The following KANSL3 variants were observed in gnomAD, a reference collection of about 807,000 sequenced individuals.
KANSL3 encodes the protein NSL complex protein NSL3.
KANSL3 carries 16 observed loss-of-function variants against 89.2 expected under a neutral mutation model. The observed-to-expected ratio is 0.18, with a 90% CI of 0.12 to 0.27. The LOEUF (loss-of-function observed/expected upper bound fraction) is 0.27. Among genes scored for constraint, KANSL3 ranks in the 10% least tolerant of loss-of-function variants. The probability of loss-of-function intolerance (pLI) is 1.00; values close to 1 mark genes in which losing one functional copy is unlikely to be tolerated. For synonymous variants in KANSL3, 385 were observed against 419.7 expected, an observed-to-expected ratio of 0.92 and a Z score of 1.01; for missense variants, 879 against 1,110.6, an observed-to-expected ratio of 0.79 and a Z score of 2.96.
At chr2:96,601,873 G>A in intron 19 of KANSL3, 97 bp from the exon 20 acceptor site, 1 of 1,453,038 alleles carries the variant, frequency 6.9e-7, no homozygotes, top group Non-Finnish European at 9.1e-7. Flanking sequence ...ACATAACACA[G>A]TCCCTTGGCC....
intron 2 of KANSL3, among the ~76,000 whole-genome samples, chr2:96,634,935 C>T (rs2074039268): frequency 6.6e-6 from 1 of 152,314 alleles, no homozygotes; most frequent in South Asian, 2.1e-4. Flanking sequence ...TTACCTTTCC[C>T]TTTAACCCTG....
chr2:96,636,413 C>A (rs1309072065), intron 2 of KANSL3, among the ~76,000 whole-genome samples: 2 of 152,166 alleles, frequency 1.3e-5, no homozygotes, highest in Non-Finnish European at 2.9e-5. Context: ...TTTAGATTAA[C>A]CTATGGATAG....
rs1313752674 is a variant in KANSL3 at position 96,604,287 on chromosome 2, G to T, written c.2112C>A (p.Ser704Arg). 6.2e-7 allele frequency: 1 copy of T among 1,612,536 alleles called. No homozygotes were observed. Among genetic ancestry groups the T allele is most frequent in the Non-Finnish European group, 8.5e-7 (1 of 1,179,462 alleles). ...TGCCAGGAGATGTGGCCACCAGGCG[G>T]CTCTGCAGTGTGTGCAAGGCACTGG... ...TAPSALHTLQ[S>R]RLVATSPGSS... Residue 704 changes from serine (S) to arginine (R), a missense_variant, in exon 17 of 21, where the codon AGC (serine) becomes AGA (arginine). By Grantham distance (110) the Ser-to-Arg change is moderately radical (BLOSUM62 -1). This residue lies in a region of KANSL3 where 317 missense variants were observed against 311.2 expected (regional missense o/e 1.02). Coordinates refer to ENST00000431828, the MANE Select transcript of KANSL3 (RefSeq NM_001115016.3).
intron 3 of KANSL3, among the ~76,000 whole-genome samples, chr2:96,623,322 G>GC (rs1224089615): frequency 6.6e-6 from 1 of 152,156 alleles, no homozygotes; most frequent in Non-Finnish European, 1.5e-5. Context: ...CAGTCAAACT[G>GC]CAAGAATGCT....
Position 96,608,707 on chromosome 2 carries a change from G to C in KANSL3, c.1585-43C>G, listed in dbSNP as rs377484592. 1.4e-4 allele frequency: 218 copies of C among 1,612,156 alleles called. 1 individual carries two copies. Among genetic ancestry groups the C allele is most frequent in the African/African-American group, 2.7e-5 (2 of 74,902 alleles). On this transcript the variant is annotated intron_variant, in intron 13 of 20. Transcript: ENST00000431828. ...GTCAAGAGATGAGACAATGTTACTA[G>C]GATCTGACCATGAGTCAGCATGTCC...
intron 20 of KANSL3, chr2:96,598,108 C>T: frequency 2.0e-6 from 2 of 985,382 alleles, no homozygotes; most frequent in Non-Finnish European, 2.4e-6. Flanking sequence ...GATCACGTGG[C>T]AGGATCTGTG....
intron 14 of KANSL3, chr2:96,606,974 G>C: frequency 3.9e-6 from 5 of 1,288,584 alleles, no homozygotes; most frequent in Non-Finnish European, 5.1e-6. Flanking sequence ...ACTCACCAAA[G>C]AGACAGGAGG....
At position 96,608,580 on chromosome 2, in the gene KANSL3, T is replaced by C. The variant is rs781127815; in HGVS notation, c.1669A>G (p.Ile557Val). Residue 557 changes from isoleucine (I) to valine (V), a missense_variant, in exon 14 of 21, where the codon ATT (isoleucine) becomes GTT (valine). Ile to Val is a conservative substitution (Grantham distance 29). This residue lies in a region of KANSL3 where 317 missense variants were observed against 311.2 expected (regional missense o/e 1.02). Coordinates refer to ENST00000431828, the MANE Select transcript of KANSL3 (RefSeq NM_001115016.3). ...CTCTTCAGCAGCTGAGAACTTCCAA[T>C]CTGACTGGACTTCTGGGCAGAGGTC... ...TVTSAQKSSQ[I>V]GSSQLLKRHV... is the part of the protein sequence containing the mutation. The C allele has an allele frequency of 6.8e-6, 11 of 1,613,914 alleles. No individual in the cohort carries two copies. The Admixed American group carries it at 8.3e-5, about 12-fold the overall frequency.
intron 5 of KANSL3, 76 bp downstream of exon 5, chr2:96,619,283 G>A (rs575365832): frequency 7.1e-5 from 99 of 1,386,798 alleles, no homozygotes; most frequent in Non-Finnish European, 9.6e-5. Context: ...TAATTACTTT[G>A]CCTAACCCCA....
intron 20 of KANSL3, chr2:96,599,641 A>T (rs2066903942): frequency 6.5e-6 from 2 of 306,282 alleles, no homozygotes; most frequent in Non-Finnish European, 9.6e-6. Flanking sequence ...AAGAAAAAAA[A>T]ATATGAGCCA....
chr2:96,607,578 C>G (rs2068193553), intron 14 of KANSL3, among the ~76,000 whole-genome samples: 1 of 152,212 alleles, frequency 6.6e-6, no homozygotes, highest in Admixed American at 6.5e-5. Context: ...CATGGCAGAG[C>G]ATCCGCGCAG....
At chr2:96,600,887 G>T in intron 20 of KANSL3, 5 of 985,408 alleles carry the variant, frequency 5.1e-6, no homozygotes, top group Non-Finnish European at 6.0e-6. Flanking sequence ...CAATGTCAAA[G>T]AAAGAGTATT....
At chr2:96,581,319 G>C in the KANSL3 span, among the ~76,000 whole-genome samples, 1 of 152,040 alleles carries the variant, frequency 6.6e-6, no homozygotes, top group South Asian at 2.1e-4. Context: ...TGCTACTCAG[G>C]AGGCTGAGGC....
chr2:96,621,740 A>G (rs2071323154), intron 3 of KANSL3, among the ~76,000 whole-genome samples: 1 of 152,216 alleles, frequency 6.6e-6, no homozygotes, highest in Non-Finnish European at 1.5e-5. Flanking sequence ...GCTCTAGAAA[A>G]TTAATAAGAA....
the KANSL3 span, among the ~76,000 whole-genome samples, chr2:96,583,777 G>A: frequency 1.1e-4 from 16 of 152,254 alleles, no homozygotes; most frequent in Non-Finnish European, 2.1e-4. Flanking sequence ...TTGTATATAC[G>A]TAGGAGAGGA....
the KANSL3 span, among the ~76,000 whole-genome samples, chr2:96,586,075 AT>A: frequency 6.6e-6 from 1 of 152,050 alleles, no homozygotes; most frequent in Non-Finnish European, 1.5e-5. Flanking sequence ...GAATATAAAA[AT>A]TAGCTGGGCG....
At chr2:96,629,878 G>A (rs1253833494) in intron 3 of KANSL3, among the ~76,000 whole-genome samples, 1 of 152,082 alleles carries the variant, frequency 6.6e-6, no homozygotes, top group Non-Finnish European at 1.5e-5. Flanking sequence ...CCTGATATAA[G>A]AAGTAACATT....
Position 96,604,911 on chromosome 2 carries a change from C to T in KANSL3, c.1934-48G>A. ...GCCCCTGGTCAGTCCTATTTGGCCT[C>T]TATGTTTCCAGGTTCCACAGCTTAG... On this transcript the variant is annotated intron_variant, in intron 15 of 20. Coordinates refer to ENST00000431828, the MANE Select transcript of KANSL3 (RefSeq NM_001115016.3). The T allele has an allele frequency of 6.1e-6, 9 of 1,483,746 alleles. No homozygotes were observed. The South Asian group carries it at 1.1e-4, about 18-fold the overall frequency. The allele number at this position is 1,483,746 out of a possible 1,614,324, so 91.9% of individuals were successfully genotyped here. A position where few individuals can be genotyped will look rare whatever the true frequency, so the allele number is the denominator to read the frequency against.
intron 11 of KANSL3, among the ~76,000 whole-genome samples, chr2:96,609,950 CA>C (rs35175492): frequency 0.055 from 1,174 of 21,474 alleles, 2 homozygotes; most frequent in Non-Finnish European, 0.073. Context: ...GGCGCCACCT[CA>C]AAAAAAAAAA....
Sources: gnomAD v4.1 joint callset for allele counts (sites outside exome capture counted in the v4.1 genomes callset) on GRCh38, gnomAD v4.1.1 for gene constraint, gnomAD v4.1.1 regional missense constraint, MANE v1.5 for transcripts, NCBI Gene and HGNC (gene_info 2026-07-23, HGNC 2026-07-21) for gene names.